MARCHF1: variants seen among roughly 807,000 people sequenced by gnomAD.
The protein encoded by MARCHF1 is membrane associated ring-CH-type finger 1.
Under a neutral mutation model 54.2 loss-of-function variants are expected in MARCHF1, and 40 were observed. The ratio of observed to expected loss-of-function variants is 0.74; its 90% confidence interval spans 0.57 to 0.96. The LOEUF (loss-of-function observed/expected upper bound fraction) is 0.96, where lower values mean the gene tolerates loss of function less well. MARCHF1 is among the 40% of genes least tolerant of loss of function. The pLI is 0.00. For missense variants in MARCHF1, 586 were observed against 656.5 expected (o/e 0.89, Z 1.17); for synonymous variants, 236 against 236.3 (o/e 1.00, Z 0.01).
At chr4:164,038,873 C>T (rs1358667845) in intron 2 of MARCHF1, among the ~76,000 whole-genome samples, 2 of 151,970 alleles carry the variant, frequency 1.3e-5, no homozygotes, top group African/African-American at 4.8e-5. Flanking sequence ...AATTTATTAT[C>T]TTCAGTTATA....
intron 3 of MARCHF1, among the ~76,000 whole-genome samples, chr4:163,910,060 G>T (rs7659058): frequency 1.3e-5 from 2 of 151,994 alleles, no homozygotes; most frequent in African/African-American, 2.4e-5. Flanking sequence ...TAGATGAGGA[G>T]TTATTTTACA....
At chr4:163,927,622 G>A (rs1469398501) in intron 3 of MARCHF1, among the ~76,000 whole-genome samples, 1 of 151,756 alleles carries the variant, frequency 6.6e-6, no homozygotes, top group Non-Finnish European at 1.5e-5. Context: ...AAATGAAACA[G>A]GTTGCCTGGT....
chr4:163,810,888 C>T (rs1012930291), intron 4 of MARCHF1, among the ~76,000 whole-genome samples: 4 of 151,982 alleles, frequency 2.6e-5, no homozygotes, highest in African/African-American at 7.2e-5. Context: ...ATTAAATCTG[C>T]TTGAATAAAC....
intron 2 of MARCHF1, among the ~76,000 whole-genome samples, chr4:164,050,263 A>G (rs114030795): frequency 0.023 from 2,802 of 119,240 alleles, 100 homozygotes; most frequent in African/African-American, 0.079. Context: ...CGACGGAGCG[A>G]GACACTGTCT....
intron 2 of MARCHF1, among the ~76,000 whole-genome samples, chr4:164,107,526 C>T (rs1755733204): frequency 6.6e-6 from 1 of 152,028 alleles, no homozygotes; most frequent in Admixed American, 6.6e-5. Flanking sequence ...CCACGCTCTG[C>T]TTATTTTTGT....
intron 5 of MARCHF1, among the ~76,000 whole-genome samples, chr4:163,669,553 G>A (rs1048307271): frequency 3.9e-5 from 6 of 151,930 alleles, no homozygotes; most frequent in Middle Eastern, 3.4e-3. Flanking sequence ...CTAGGGAAAA[G>A]TAGCCCCAAA....
intron 4 of MARCHF1, among the ~76,000 whole-genome samples, chr4:163,829,944 A>G (rs1748971085): frequency 6.6e-6 from 1 of 152,176 alleles, no homozygotes; most frequent in African/African-American, 2.4e-5. Context: ...TTCAAATAGC[A>G]GATAGATATT....
intron 1 of MARCHF1, among the ~76,000 whole-genome samples, chr4:164,138,684 G>A (rs1756456551): frequency 6.6e-6 from 1 of 152,184 alleles, no homozygotes; most frequent in African/African-American, 2.4e-5. Context: ...ACTTGCCTTG[G>A]TGATCTCATG....
chr4:163,766,935 A>G (rs1746993238), intron 4 of MARCHF1, among the ~76,000 whole-genome samples: 1 of 152,164 alleles, frequency 6.6e-6, no homozygotes, highest in Non-Finnish European at 1.5e-5. Flanking sequence ...TTTAAACATT[A>G]TAGAACTCCA....
At chr4:163,823,017 C>A (rs1451482893) in intron 4 of MARCHF1, among the ~76,000 whole-genome samples, 2 of 151,816 alleles carry the variant, frequency 1.3e-5, no homozygotes, top group African/African-American at 4.8e-5. Context: ...GCTAATAACA[C>A]AAACAGGCTT....
intron 5 of MARCHF1, among the ~76,000 whole-genome samples, chr4:163,674,853 T>C (rs556462597): frequency 6.6e-5 from 10 of 152,320 alleles, no homozygotes; most frequent in African/African-American, 1.9e-4. Context: ...TAGACATTAA[T>C]ATGTTATGGT....
At chr4:164,333,515 A>T (rs1176168913) in intron 1 of MARCHF1, among the ~76,000 whole-genome samples, 1 of 152,214 alleles carries the variant, frequency 6.6e-6, no homozygotes, top group African/African-American at 2.4e-5. Flanking sequence ...TAATAATTGT[A>T]GTCATTTGGG....
At chr4:164,319,975 T>C (rs547744832) in intron 1 of MARCHF1, among the ~76,000 whole-genome samples, 167 of 152,282 alleles carry the variant, frequency 1.1e-3, no homozygotes, top group African/African-American at 3.9e-3. Context: ...GATTAACATA[T>C]GTATAATTTT....
At chr4:163,573,312 T>TA (rs1356344774) in intron 8 of MARCHF1, among the ~76,000 whole-genome samples, 1 of 149,450 alleles carries the variant, frequency 6.7e-6, no homozygotes, top group Non-Finnish European at 1.5e-5. Flanking sequence ...TTATTATTAT[T>TA]ATTATTATTA....
intron 2 of MARCHF1, among the ~76,000 whole-genome samples, chr4:164,080,830 T>C (rs1245606598): frequency 1.3e-5 from 2 of 151,898 alleles, no homozygotes; most frequent in Non-Finnish European, 2.9e-5. Flanking sequence ...GGGGGAAAAA[T>C]AGAAAAAGTC....
chr4:164,182,366 T>C (rs975555192), intron 1 of MARCHF1, among the ~76,000 whole-genome samples: 1 of 152,012 alleles, frequency 6.6e-6, no homozygotes, highest in Non-Finnish European at 1.5e-5. Context: ...ATTGACCTTG[T>C]TAAGGTCAAA....
intron 1 of MARCHF1, among the ~76,000 whole-genome samples, chr4:164,363,343 T>C (rs1730781677): frequency 6.6e-6 from 1 of 152,128 alleles, no homozygotes. Flanking sequence ...CTTTCTGAGA[T>C]AACTCTTTCT....
chr4:164,318,763 T>G (rs116289912), intron 1 of MARCHF1, among the ~76,000 whole-genome samples: 186 of 152,314 alleles, frequency 1.2e-3, no homozygotes, highest in African/African-American at 4.3e-3. Flanking sequence ...ACAAGGTTCA[T>G]CAACCCTGAC....
At chr4:164,212,788 G>C (rs1456226660) in intron 1 of MARCHF1, among the ~76,000 whole-genome samples, 1 of 152,080 alleles carries the variant, frequency 6.6e-6, no homozygotes, top group African/African-American at 2.4e-5. Context: ...TAATCATCAT[G>C]CTAGCCATAT....
Sources: gnomAD v4.1 joint callset for allele counts (sites outside exome capture counted in the v4.1 genomes callset) on GRCh38, gnomAD v4.1.1 for gene constraint, MANE v1.5 for transcripts, NCBI Gene and HGNC (gene_info 2026-07-23, HGNC 2026-07-21) for gene names.